KCTD1: variants seen among roughly 807,000 people sequenced by gnomAD.
KCTD1 encodes BTB/POZ domain-containing protein KCTD1.
In KCTD1, 24 loss-of-function variants were observed where a neutral mutation model predicts 66.0. The observed-to-expected ratio is 0.36, with a 90% confidence interval of 0.26 to 0.51. The LOEUF is 0.51. KCTD1 is among the 20% of genes least tolerant of loss of function. The pLI is 0.95. For synonymous variants in KCTD1, 511 were observed against 517.2 expected (o/e 0.99, Z 0.16); for missense variants, 943 against 1,205.2 (o/e 0.78, Z 3.22).
chr18:26,521,685 G>T (rs1000256309), intron 1 of KCTD1, among the ~76,000 whole-genome samples: 1 of 152,208 alleles, frequency 6.6e-6, no homozygotes, highest in East Asian at 1.9e-4. Flanking sequence ...CACATTAAAA[G>T]AAGAGAAAAG....
chr18:26,513,175 C>T (rs1326392561), intron 1 of KCTD1, among the ~76,000 whole-genome samples: 1 of 151,246 alleles, frequency 6.6e-6, no homozygotes, highest in Admixed American at 6.6e-5. Context: ...GCAAGCTCCG[C>T]CTCCCGGGTT....
chr18:26,614,803 A>T (rs539372929), intron 1 of KCTD1, among the ~76,000 whole-genome samples: 118 of 152,310 alleles, frequency 7.7e-4, no homozygotes, highest in African/African-American at 2.6e-3. Flanking sequence ...TAACGTGGTG[A>T]CCTACACTTA....
intron 1 of KCTD1, among the ~76,000 whole-genome samples, chr18:26,533,433 C>A (rs920985572): frequency 6.6e-6 from 1 of 152,186 alleles, no homozygotes; most frequent in African/African-American, 2.4e-5. Flanking sequence ...AAGAGTGTTA[C>A]TGTTCTATGT....
chr18:26,557,636 A>G (rs561730405), intron 1 of KCTD1, among the ~76,000 whole-genome samples: 1 of 152,300 alleles, frequency 6.6e-6, no homozygotes, highest in South Asian at 2.1e-4. Context: ...TCTAATACTA[A>G]TATGACCACA....
At chr18:26,551,555 T>C (rs530668265), upstream of KCTD1, among the ~76,000 whole-genome samples, 1 of 152,242 alleles carries the variant, frequency 6.6e-6, no homozygotes, top group South Asian at 2.1e-4. Flanking sequence ...CATTAAATAC[T>C]GGAAAAGAAG....
intron 1 of KCTD1, among the ~76,000 whole-genome samples, chr18:26,591,001 C>T (rs1023001007): frequency 1.3e-5 from 2 of 152,070 alleles, no homozygotes; most frequent in Admixed American, 1.3e-4. Flanking sequence ...ATATGAAGAT[C>T]AGTGGTTCAG....
chr18:26,606,711 G>GACCTCAGCTCTGTAAGCCAGACCA (rs1987025056), intron 1 of KCTD1, among the ~76,000 whole-genome samples: 2 of 152,192 alleles, frequency 1.3e-5, no homozygotes, highest in Admixed American at 6.5e-5. Context: ...CCTGCTGGCC[G>GACCTCAGCTCTGTAAGCCAGACCA]ACCTCAGCTC....
At chr18:26,504,713 C>T (rs116268468) in intron 1 of KCTD1, among the ~76,000 whole-genome samples, 6 of 151,420 alleles carry the variant, frequency 4.0e-5, no homozygotes, top group Admixed American at 2.0e-4. Flanking sequence ...GTTGGGGGGG[C>T]GATATTTGGG....
At chr18:26,654,627 C>T (rs1180326150) in intron 1 of KCTD1, among the ~76,000 whole-genome samples, 1 of 152,176 alleles carries the variant, frequency 6.6e-6, no homozygotes, top group African/African-American at 2.4e-5. Flanking sequence ...GTTTTGCATA[C>T]TGTGGTGGGA....
chr18:26,480,937 A>G lies in KCTD1; in HGVS notation c.1989-4278T>C, dbSNP rs150837690. 3.2e-4 allele frequency among the ~76,000 whole-genome samples: 48 copies of G among 152,314 alleles called. No individual in the cohort carries two copies. In the East Asian group the frequency reaches 7.5e-3, roughly 24 times the overall value. Reference sequence around the variant, plus strand: ...GTGCATTAAAGAATGGTCTTAAGTCAAAGAGAGTATGGGGCTAGGATCCTA... The same window carrying G: ...GTGCATTAAAGAATGGTCTTAAGTCGAAGAGAGTATGGGGCTAGGATCCTA... On this transcript the variant is annotated intron_variant, in intron 2 of 4. Transcript: ENST00000580059.
chr18:26,480,258 G>C (rs985660737), intron 2 of KCTD1, among the ~76,000 whole-genome samples: 1 of 152,004 alleles, frequency 6.6e-6, no homozygotes, highest in Non-Finnish European at 1.5e-5. Flanking sequence ...AGCTTCAAAA[G>C]CTGTCAATTC....
At position 26,546,827 on chromosome 18, in the gene KCTD1, G is replaced by A. The variant is rs776362915; in HGVS notation, c.1710C>T (p.Ser570=). Residue 570 remains serine, a synonymous_variant, in exon 1 of 5, where the codon TCC becomes TCT. Coordinates refer to ENST00000580059, the MANE Select transcript of KCTD1 (RefSeq NM_001142730.3). ...GAAGAGGCAGGGGGTCGTGTTTCAC[G>A]GAAACCACCACCACCGCATCCACAG... ...SEPVDAVVVV[S]VKHDPLPLLP... is the part of the protein sequence containing the mutation. The A allele has an allele frequency of 3.7e-5, 57 of 1,534,556 alleles. No individual in the cohort carries two copies. In the African/African-American group the frequency reaches 7.0e-4, roughly 19 times the overall value.
intron 1 of KCTD1, among the ~76,000 whole-genome samples, chr18:26,519,571 G>A (rs557652437): frequency 6.6e-5 from 10 of 152,252 alleles, no homozygotes; most frequent in South Asian, 2.1e-4. Flanking sequence ...GATATTAACC[G>A]TCAATCAACC....
At chr18:26,525,678 T>C (rs1984123960) in intron 1 of KCTD1, among the ~76,000 whole-genome samples, 1 of 152,204 alleles carries the variant, frequency 6.6e-6, no homozygotes, top group Non-Finnish European at 1.5e-5. Flanking sequence ...TTTCTGTAGA[T>C]ACATTTACAT....
At chr18:26,520,474 A>G (rs1360767876) in intron 1 of KCTD1, among the ~76,000 whole-genome samples, 1 of 152,204 alleles carries the variant, frequency 6.6e-6, no homozygotes, top group African/African-American at 2.4e-5. Flanking sequence ...TTGCCACTTA[A>G]GCTGAAATTA....
chr18:26,525,237 A>G (rs1395620303), intron 1 of KCTD1, among the ~76,000 whole-genome samples: 2 of 152,198 alleles, frequency 1.3e-5, no homozygotes, highest in Non-Finnish European at 1.5e-5. Flanking sequence ...GAGGGTGCAG[A>G]CACACTCTGG....
At chr18:26,529,691 A>G (rs1423391720) in intron 1 of KCTD1, among the ~76,000 whole-genome samples, 1 of 152,256 alleles carries the variant, frequency 6.6e-6, no homozygotes, top group Non-Finnish European at 1.5e-5. Context: ...TACATTTAAA[A>G]TAAAATGTAA....
upstream of KCTD1, among the ~76,000 whole-genome samples, chr18:26,550,561 C>G (rs1228916461): frequency 8.4e-6 from 1 of 118,350 alleles, no homozygotes; most frequent in African/African-American, 3.6e-5. The surrounding 1 kb of genome is among the most constrained non-coding windows in gnomAD (Gnocchi z 5.4). Context: ...ACACAAGACA[C>G]ACAGACACAC....
At chr18:26,498,991 G>A (rs138772244) in intron 2 of KCTD1, among the ~76,000 whole-genome samples, 4 of 152,320 alleles carry the variant, frequency 2.6e-5, no homozygotes, top group African/African-American at 9.6e-5. Context: ...GAGCTTCCCA[G>A]GGGCTAAATC....
Sources: allele counts gnomAD v4.1 joint callset (sites outside exome capture counted in the v4.1 genomes callset), GRCh38; gene constraint gnomAD v4.1.1; non-coding constraint Gnocchi (gnomAD v3.1); transcripts MANE v1.5; gene names NCBI Gene and HGNC (gene_info 2026-07-23, HGNC 2026-07-21).